Variants in BRD3 observed in about 807,000 individuals in gnomAD.
BRD3 encodes the protein bromodomain containing 3, also known as bromodomain-containing protein 3.
A neutral mutation model predicts 66.8 loss-of-function variants in BRD3; 17 were observed. The observed-to-expected ratio is 0.25, with a 90% CI of 0.17 to 0.38. BRD3 has a LOEUF of 0.38. Among genes scored for constraint, BRD3 ranks in the 10% least tolerant of loss-of-function variants. BRD3 has a pLI of 1.00. For missense variants in BRD3, 713 were observed against 956.1 expected (o/e 0.75, Z 3.35); for synonymous variants, 421 against 393.2 (o/e 1.07, Z -0.84).
At chr9:134,047,036 C>T (rs1206178331) in intron 6 of BRD3, among the ~76,000 whole-genome samples, 8 of 152,230 alleles carry the variant, frequency 5.3e-5, no homozygotes, top group South Asian at 4.1e-4. Context: ...TTCTGGGCTG[C>T]GTGGCTCTGG....
At chr9:134,051,994 G>T (rs926140136) in intron 3 of BRD3, among the ~76,000 whole-genome samples, 1 of 150,672 alleles carries the variant, frequency 6.6e-6, no homozygotes, top group Non-Finnish European at 1.5e-5. Context: ...GGGTTTAAGT[G>T]ATTCTCCTGC....
At position 134,033,483 on chromosome 9, in the gene BRD3, G is replaced by T. The variant is rs1238972593; in HGVS notation, c.*107C>A. On this transcript the variant is annotated 3_prime_UTR_variant, in exon 12 of 12. Coordinates refer to ENST00000303407, the MANE Select transcript of BRD3 (RefSeq NM_007371.4). This position sits in a 1 kb window ranked among gnomAD's most constrained non-coding sequence, Gnocchi z 5.1. ...AGATATCATAACACTGAATTAAGAA[G>T]CAGACCTGCACACCATGGAACAGAA... 1 of 609,440 alleles carries T rather than the reference G, an allele frequency of 1.6e-6. No homozygotes were observed. Among genetic ancestry groups the T allele is most frequent in the Non-Finnish European group, 3.0e-6 (1 of 332,288 alleles). 37.8% of individuals were successfully genotyped at this position (609,440 alleles called of 1,614,324 possible).
chr9:134,037,588 A>T lies in BRD3; in HGVS notation c.1644-1264T>A, dbSNP rs113013955. Among the ~76,000 whole-genome samples, 1,162 of 152,344 alleles carry T rather than the reference A, an allele frequency of 7.6e-3. 10 individuals are homozygous for T. Among genetic ancestry groups the T allele is most frequent in the African/African-American group, 0.026 (1,086 of 41,580 alleles). Reference sequence around the variant, plus strand: ...TCCTTCTCAAAAAAATTTAAAAAATAAAAAATTAAAAAAAGGTTTCAAGTC... The same window carrying T: ...TCCTTCTCAAAAAAATTTAAAAAATTAAAAATTAAAAAAAGGTTTCAAGTC... On this transcript the variant is annotated intron_variant, in intron 9 of 11. Transcript: ENST00000303407.
At chr9:134,067,370 G>C (rs961070220) in intron 1 of BRD3, among the ~76,000 whole-genome samples, 2 of 151,208 alleles carry the variant, frequency 1.3e-5, no homozygotes, top group East Asian at 3.9e-4. Flanking sequence ...CCCGGCCGCG[G>C]CGCGCGGCGA....
chr9:134,056,501 CATG>C (rs911825305), intron 1 of BRD3: 11 of 152,350 alleles, frequency 7.2e-5, no homozygotes, highest in African/African-American at 1.9e-4. Flanking sequence ...AACACGATGC[CATG>C]ATAAGTGGCC....
chr9:134,063,970 G>A (rs1232690311), intron 1 of BRD3, among the ~76,000 whole-genome samples: 1 of 152,168 alleles, frequency 6.6e-6, no homozygotes, highest in African/African-American at 2.4e-5. Flanking sequence ...CGGCAAGGAG[G>A]GGGGCGGGGG....
Position 134,032,996 on chromosome 9 carries a change from G to C in BRD3, c.*594C>G. The C allele has an allele frequency of 2.5e-6, 1 of 396,036 alleles. No homozygotes were observed. Among genetic ancestry groups the C allele is most frequent in the Non-Finnish European group, 4.4e-6 (1 of 225,076 alleles). The allele number at this position is 396,036 out of a possible 1,614,324, so 24.5% of individuals were successfully genotyped here. ...CGAGCGGAGAACGCACATCCCACCC[G>C]ACCACCCCCCAAGGGCTCCACGCTC... On this transcript the variant is annotated 3_prime_UTR_variant, in exon 12 of 12. Coordinates refer to ENST00000303407, the MANE Select transcript of BRD3 (RefSeq NM_007371.4).
intron 7 of BRD3, 143 bp from the exon 8 acceptor site, chr9:134,042,094 C>T: frequency 1.0e-6 from 1 of 983,812 alleles, no homozygotes; most frequent in Non-Finnish European, 1.4e-6. Context: ...CAGGGTCCCG[C>T]CTGCCTGGGG....
chr9:134,058,727 T>TATCAGCTGTATCAG (rs1830477058), intron 1 of BRD3: 1 of 152,126 alleles, frequency 6.6e-6, no homozygotes, highest in African/African-American at 2.4e-5. Context: ...TACACAAAGG[T>TATCAGCTGTATCAG]TCAAACTACA....
intron 1 of BRD3, among the ~76,000 whole-genome samples, chr9:134,061,134 G>A (rs1235322341): frequency 6.6e-6 from 1 of 152,260 alleles, no homozygotes; most frequent in African/African-American, 2.4e-5. Context: ...ACCCAGAGGG[G>A]CAGGAGCAGG....
rs1284935341 is a variant in BRD3, at chr9:134,031,012, C to T, written c.*2578G>A. 4.3e-6 allele frequency: 1 copy of T among 230,956 alleles called. No individual in the cohort carries two copies. The highest frequency in any genetic ancestry group is 6.1e-5 in the East Asian group (1 of 16,352). 14.3% of individuals were successfully genotyped at this position (230,956 alleles called of 1,614,324 possible). A position where few individuals can be genotyped will look rare whatever the true frequency, so the allele number is the denominator to read the frequency against. Reference sequence around the variant, plus strand: ...GGACGTGACTGTCACCCTCAGCCCGCCAGCAAGGGCGCTGAGGAAGTCATT... The same window carrying T: ...GGACGTGACTGTCACCCTCAGCCCGTCAGCAAGGGCGCTGAGGAAGTCATT... On this transcript the variant is annotated 3_prime_UTR_variant, in exon 12 of 12. Transcript: ENST00000303407.
rs2810488 is a variant in BRD3, at chr9:134,051,875, G to T, written c.352-166C>A. ...TGTGTGTGTGTGTGTGTGTGTGTGT[G>T]TGTTGTTTTTTTTGTTTTTTTTTTT... On this transcript the variant is annotated intron_variant, in intron 3 of 11. Transcript: ENST00000303407. 3.9e-3 allele frequency among the ~76,000 whole-genome samples: 389 copies of T among 100,928 alleles called. 11 individuals carry two copies. Among genetic ancestry groups the T allele is most frequent in the African/African-American group, 0.015 (360 of 24,560 alleles). The allele number at this position is 100,928 out of a possible 152,430, so 66.2% of individuals were successfully genotyped here. A position where few individuals can be genotyped will look rare whatever the true frequency, so the allele number is the denominator to read the frequency against.
chr9:134,064,851 C>T (rs1830615249), intron 1 of BRD3, among the ~76,000 whole-genome samples: 1 of 152,224 alleles, frequency 6.6e-6, no homozygotes, highest in Non-Finnish European at 1.5e-5. Flanking sequence ...AAACCCTATG[C>T]TCCGCCACCA....
Position 134,033,613 on chromosome 9 carries a change from A to G in BRD3, c.2158T>C (p.Ser720Pro), listed in dbSNP as rs1156556118. 1 of 770,358 alleles carries G rather than the reference A, an allele frequency of 1.3e-6. No homozygotes were observed. Among genetic ancestry groups the G allele is most frequent in the Non-Finnish European group, 2.4e-6 (1 of 412,684 alleles). The allele number at this position is 770,358 out of a possible 1,614,324, so 47.7% of individuals were successfully genotyped here. Residue 720 changes from serine to proline, a missense_variant, in exon 12 of 12, where the codon TCT (serine) becomes CCT (proline). Ser to Pro is a moderately conservative substitution (Grantham distance 74). Transcript: ENST00000303407. The surrounding 1 kb of genome is among the most constrained non-coding windows in gnomAD (Gnocchi z 5.1). ...SGSSSSSGSSSDSSDSE is the reference protein window; with the variant it reads ...SGSSSSSGSSPDSSDSE ...GTTCATTCTGAGTCACTGCTGTCAG[A>G]GCTGGACCCGCTGGAGCTGCTGCTC...
At chr9:134,046,438 G>C (rs1830168669) in intron 6 of BRD3, among the ~76,000 whole-genome samples, 1 of 152,194 alleles carries the variant, frequency 6.6e-6, no homozygotes, top group Admixed American at 6.5e-5. Context: ...ATTTGTCCAG[G>C]TGCCAGTGAG....
chr9:134,053,464 G>T lies in BRD3; in HGVS notation c.14C>A (p.Thr5Lys). ...CGGGATCCCCGCGGGGGCGACTGTC[G>T]TGGCGGTGGACATCCTCCGGCAGCT... MSTA[T>K]TVAPAGIPAT... The change falls in exon 2 of 12, where the codon ACG (threonine) becomes AAG (lysine). Residue 5 changes from threonine (T) to lysine (K), a missense_variant. Thr to Lys is a moderately conservative substitution (Grantham distance 78, BLOSUM62 -1). Transcript: ENST00000303407. 2 of 1,600,458 alleles carry T rather than the reference G, an allele frequency of 1.2e-6. No individual in the cohort carries two copies. Among genetic ancestry groups the T allele is most frequent in the Non-Finnish European group, 1.7e-6 (2 of 1,175,664 alleles).
chr9:134,033,293 A>C lies in BRD3; in HGVS notation c.*297T>G, dbSNP rs1461776756. ...GGATTCCACAAGGTTCTTCGGTACGAATCTCACACGGTTTTCTGGGGTCAT... is the reference window on the plus strand; with the variant it reads ...GGATTCCACAAGGTTCTTCGGTACGCATCTCACACGGTTTTCTGGGGTCAT... On this transcript the variant is annotated 3_prime_UTR_variant, in exon 12 of 12. Coordinates refer to ENST00000303407, the MANE Select transcript of BRD3 (RefSeq NM_007371.4). The surrounding 1 kb of genome is among the most constrained non-coding windows in gnomAD (Gnocchi z 5.1). 2.3e-6 allele frequency: 1 copy of C among 430,130 alleles called. No individual in the cohort carries two copies. The highest frequency in any genetic ancestry group is 2.0e-5 in the African/African-American group (1 of 49,244). 26.6% of individuals were successfully genotyped at this position (430,130 alleles called of 1,614,324 possible).
intron 1 of BRD3, among the ~76,000 whole-genome samples, chr9:134,067,275 A>T (rs890852987): frequency 1.2e-4 from 18 of 151,548 alleles, no homozygotes; most frequent in Non-Finnish European, 1.2e-4. Context: ...CCGGCAACTC[A>T]GGGGGGCTCA....
intron 1 of BRD3, among the ~76,000 whole-genome samples, chr9:134,067,472 G>A (rs1359278468): frequency 1.3e-5 from 2 of 148,738 alleles, no homozygotes; most frequent in African/African-American, 2.4e-5. Context: ...CACGGCCGCA[G>A]GCCGGGGCCG....
Sources: gnomAD v4.1 joint callset for allele counts (sites outside exome capture counted in the v4.1 genomes callset) on GRCh38, gnomAD v4.1.1 for gene constraint, Gnocchi (gnomAD v3.1) non-coding constraint, MANE v1.5 for transcripts, NCBI Gene and HGNC (gene_info 2026-07-23, HGNC 2026-07-21) for gene names.